Variants in CLVS1 observed in about 807,000 individuals in gnomAD.
CLVS1 encodes clavesin-1.
A neutral mutation model predicts 33.1 loss-of-function variants in CLVS1; 10 were observed. The observed-to-expected ratio is 0.30, with a 90% CI of 0.19 to 0.51. The LOEUF is 0.51. Among genes scored for constraint, CLVS1 ranks in the 20% least tolerant of loss-of-function variants. The pLI, the probability that CLVS1 is intolerant of heterozygous loss-of-function variation, is 0.97. For missense variants in CLVS1, 343 were observed against 433.4 expected (o/e 0.79, Z 1.85); for synonymous variants, 163 against 166.1 (o/e 0.98, Z 0.14).
chr8:61,360,077 G>T (rs1236755511), intron 2 of CLVS1, among the ~76,000 whole-genome samples: 1 of 152,118 alleles, frequency 6.6e-6, no homozygotes, highest in East Asian at 1.9e-4. Flanking sequence ...TTTGGGAAAG[G>T]GCAGACTTGA....
chr8:60,983,335 T>C, the CLVS1 span, among the ~76,000 whole-genome samples: 1 of 152,248 alleles, frequency 6.6e-6, no homozygotes, highest in Non-Finnish European at 1.5e-5. Flanking sequence ...TTTTAATTAA[T>C]ATGTTGTATG....
At chr8:61,236,470 A>G (rs1808562156) in intron 2 of CLVS1, among the ~76,000 whole-genome samples, 1 of 152,190 alleles carries the variant, frequency 6.6e-6, no homozygotes, top group South Asian at 2.1e-4. Context: ...GCATGCTGAC[A>G]TTTCTGAGAC....
chr8:61,101,844 C>T (rs1805456386), intron 1 of CLVS1, among the ~76,000 whole-genome samples: 1 of 150,932 alleles, frequency 6.6e-6, no homozygotes, highest in African/African-American at 2.4e-5. Context: ...GTTGTTCCAG[C>T]ACCACTTATT....
At chr8:61,150,913 C>G (rs1047490836) in intron 2 of CLVS1, among the ~76,000 whole-genome samples, 1 of 152,166 alleles carries the variant, frequency 6.6e-6, no homozygotes, top group Admixed American at 6.5e-5. Flanking sequence ...AAAAAGCTAC[C>G]TGCAGCAGGT....
At chr8:61,349,902 A>C (rs553122877) in intron 2 of CLVS1, among the ~76,000 whole-genome samples, 9 of 152,240 alleles carry the variant, frequency 5.9e-5, no homozygotes, top group African/African-American at 1.9e-4. Context: ...TTTAAGTTCC[A>C]TGCAAATAAC....
intron 2 of CLVS1, among the ~76,000 whole-genome samples, chr8:61,166,995 T>G (rs1246714355): frequency 6.6e-6 from 1 of 151,002 alleles, no homozygotes; most frequent in Non-Finnish European, 1.5e-5. Flanking sequence ...TTAATTTATT[T>G]TAATTTAATC....
chr8:61,287,148 A>T (rs536456008), upstream of CLVS1, among the ~76,000 whole-genome samples: 6 of 152,336 alleles, frequency 3.9e-5, no homozygotes, highest in East Asian at 3.9e-4. Flanking sequence ...ATAGATTTTT[A>T]AAAATGTTAT....
the CLVS1 span, among the ~76,000 whole-genome samples, chr8:60,989,688 A>G: frequency 1.3e-5 from 2 of 152,186 alleles, no homozygotes; most frequent in Non-Finnish European, 2.9e-5. Flanking sequence ...AAAATTTTCA[A>G]AACAAATCTT....
intron 2 of CLVS1, among the ~76,000 whole-genome samples, chr8:61,313,164 G>A (rs976032684): frequency 2.0e-5 from 3 of 152,120 alleles, no homozygotes; most frequent in Admixed American, 6.5e-5. Context: ...AAACCCAGCG[G>A]GGAAGCTGGG....
At chr8:61,294,459 A>G (rs943193482) in intron 1 of CLVS1, among the ~76,000 whole-genome samples, 2 of 152,126 alleles carry the variant, frequency 1.3e-5, no homozygotes, top group Non-Finnish European at 2.9e-5. Context: ...ATGTACCCCG[A>G]ATATTTACCT....
chr8:61,053,166 G>A (rs1804415029), upstream of CLVS1, among the ~76,000 whole-genome samples: 1 of 152,198 alleles, frequency 6.6e-6, no homozygotes. Context: ...GACACCTGTA[G>A]GTCACTAAAT....
At chr8:61,157,126 T>C (rs1422998410) in intron 2 of CLVS1, among the ~76,000 whole-genome samples, 1 of 152,210 alleles carries the variant, frequency 6.6e-6, no homozygotes, top group Non-Finnish European at 1.5e-5. Flanking sequence ...GCCTCAGGTA[T>C]AAAGGCACTC....
At chr8:61,332,360 C>T (rs1435921579) in intron 2 of CLVS1, among the ~76,000 whole-genome samples, 1 of 152,094 alleles carries the variant, frequency 6.6e-6, no homozygotes, top group Non-Finnish European at 1.5e-5. Flanking sequence ...CCATGGACTC[C>T]CCTTGTGTTA....
intron 2 of CLVS1, among the ~76,000 whole-genome samples, chr8:61,152,551 G>A (rs904770875): frequency 3.9e-5 from 6 of 152,044 alleles, no homozygotes; most frequent in African/African-American, 1.4e-4. Flanking sequence ...AGGCAGAAAG[G>A]GTCAATATTG....
intron 3 of CLVS1, among the ~76,000 whole-genome samples, chr8:61,414,502 G>T (rs911999167): frequency 1.3e-4 from 20 of 150,700 alleles, no homozygotes; most frequent in Middle Eastern, 3.4e-3. Context: ...AGGTATCTTT[G>T]ATAAACAAAG....
intron 1 of CLVS1, among the ~76,000 whole-genome samples, chr8:61,083,597 G>A (rs1286983069): frequency 2.6e-5 from 4 of 152,064 alleles, no homozygotes; most frequent in Admixed American, 1.3e-4. Context: ...GTGCAGTACC[G>A]AAAACATTTT....
chr8:61,439,152 G>A (rs1816449080), intron 3 of CLVS1, among the ~76,000 whole-genome samples: 1 of 152,156 alleles, frequency 6.6e-6, no homozygotes, highest in Admixed American at 6.5e-5. Context: ...CTAACTGGCA[G>A]GTTGCATCAT....
At chr8:61,187,440 C>A (rs921694856) in intron 2 of CLVS1, among the ~76,000 whole-genome samples, 3 of 152,126 alleles carry the variant, frequency 2.0e-5, no homozygotes, top group African/African-American at 7.2e-5. Flanking sequence ...AAAAAGCCTT[C>A]AAATCAAGTC....
intron 2 of CLVS1, among the ~76,000 whole-genome samples, chr8:61,281,999 G>A (rs1389527135): frequency 1.3e-5 from 2 of 152,248 alleles, no homozygotes; most frequent in East Asian, 3.9e-4. Flanking sequence ...AGTGCCCATG[G>A]GTGTTTCATT....
Sources: gnomAD v4.1 joint callset for allele counts (sites outside exome capture counted in the v4.1 genomes callset) on GRCh38, gnomAD v4.1.1 for gene constraint, MANE v1.5 for transcripts, NCBI Gene and HGNC (gene_info 2026-07-23, HGNC 2026-07-21) for gene names.